Variants in PARD3B observed in about 807,000 individuals in gnomAD.
PARD3B encodes partitioning defective 3 homolog B.
In PARD3B, 103 loss-of-function variants were observed where a neutral mutation model predicts 130.2. The observed-to-expected ratio is 0.79, with a 90% CI of 0.67 to 0.93. PARD3B has a LOEUF of 0.93. PARD3B is among the 40% of genes least tolerant of loss of function. The pLI is 0.00. For missense variants in PARD3B, 1,609 were observed against 1,499.2 expected, an observed-to-expected ratio of 1.07 and a Z score of -1.21; for synonymous variants, 583 against 553.2, an observed-to-expected ratio of 1.05 and a Z score of -0.76.
chr2:204,564,474 A>G lies in PARD3B; in HGVS notation c.120+18355A>G, dbSNP rs1317864858. ...CACCCCTTTGCCCTCATATTTTCTT[A>G]GAAGACCTGAGGGAACGTTTCATGT... is the stretch of plus-strand genomic sequence containing the variant. On this transcript the variant is annotated intron_variant, in intron 1 of 22. Transcript: ENST00000406610. Among the ~76,000 whole-genome samples, 7 of 152,332 alleles carry G rather than the reference A, an allele frequency of 4.6e-5. 1 individual carries two copies. In the South Asian group the frequency reaches 1.0e-3, roughly 23 times the overall value.
Position 204,675,940 on chromosome 2 carries a change from C to G in PARD3B, c.121-10241C>G, listed in dbSNP as rs1352119521. Reference sequence around the variant, plus strand: ...ATCAGAAGAAAACAACTATTAATACCTTTTCTATGGCTTAACCTTTGTTAA... The same window carrying G: ...ATCAGAAGAAAACAACTATTAATACGTTTTCTATGGCTTAACCTTTGTTAA... On this transcript the variant is annotated intron_variant, in intron 1 of 22. Transcript: ENST00000406610. The surrounding 1 kb of genome is among the most constrained non-coding windows in gnomAD (Gnocchi z 4.4). 6.6e-6 allele frequency among the ~76,000 whole-genome samples: 1 copy of G among 151,352 alleles called. No homozygotes were observed. The highest frequency in any genetic ancestry group is 6.6e-5 in the Admixed American group (1 of 15,136).
At chr2:205,089,628 TTC>T (rs1474479718) in intron 4 of PARD3B, among the ~76,000 whole-genome samples, 1 of 152,158 alleles carries the variant, frequency 6.6e-6, no homozygotes, top group Non-Finnish European at 1.5e-5. Flanking sequence ...AACCAGTCAT[TTC>T]TCTGTTTTTC....
chr2:205,024,569 G>T (rs1425596957), intron 3 of PARD3B, among the ~76,000 whole-genome samples: 1 of 152,082 alleles, frequency 6.6e-6, no homozygotes, highest in Non-Finnish European at 1.5e-5. Context: ...GTGGTTATGT[G>T]GACATTTGTC....
chr2:205,479,240 G>A (rs966796570), intron 20 of PARD3B, among the ~76,000 whole-genome samples: 2 of 152,110 alleles, frequency 1.3e-5, no homozygotes, highest in South Asian at 2.1e-4. Context: ...TCCTTAAATG[G>A]CACCATCATT....
intron 13 of PARD3B, among the ~76,000 whole-genome samples, chr2:205,182,145 A>G (rs1576101130): frequency 6.6e-6 from 1 of 152,150 alleles, no homozygotes; most frequent in Non-Finnish European, 1.5e-5. Context: ...ACAAAAAATT[A>G]GCTGGGCTTG....
intron 2 of PARD3B, among the ~76,000 whole-genome samples, chr2:204,942,899 G>C (rs879674709): frequency 3.3e-5 from 5 of 152,102 alleles, no homozygotes; most frequent in African/African-American, 1.2e-4. Flanking sequence ...CTTGAGGAGG[G>C]AGAGGAACAG....
At chr2:205,455,148 G>A (rs1471834879) in intron 20 of PARD3B, among the ~76,000 whole-genome samples, 1 of 152,106 alleles carries the variant, frequency 6.6e-6, no homozygotes, top group African/African-American at 2.4e-5. Flanking sequence ...CTGCCACTCA[G>A]TATAGTTGTG....
chr2:204,825,460 A>G (rs1369882130), intron 2 of PARD3B, among the ~76,000 whole-genome samples: 3 of 152,176 alleles, frequency 2.0e-5, no homozygotes, highest in Non-Finnish European at 2.9e-5. Context: ...GGTCATTCAT[A>G]TGTATTTGTG....
chr2:204,570,275 G>A (rs1399226229), intron 1 of PARD3B, among the ~76,000 whole-genome samples: 1 of 152,154 alleles, frequency 6.6e-6, no homozygotes, highest in African/African-American at 2.4e-5. Context: ...AGGCAGCATA[G>A]GTGGGAAGTA....
At chr2:204,766,991 A>ATTTTTTTTTTTTTTTTTTTTATTT (rs141505640) in intron 2 of PARD3B, among the ~76,000 whole-genome samples, 1 of 98,676 alleles carries the variant, frequency 1.0e-5, no homozygotes, top group Non-Finnish European at 2.1e-5. Context: ...CACATTTTTT[A>ATTTTTTTTTTTTTTTTTTTTATTT]TTTTATTTTT....
intron 15 of PARD3B, among the ~76,000 whole-genome samples, chr2:205,234,233 T>A (rs533237014): frequency 6.6e-6 from 1 of 152,302 alleles, no homozygotes; most frequent in African/African-American, 2.4e-5. Context: ...GGCAGGAGGA[T>A]CACTTGAGCC....
chr2:205,286,462 C>T (rs1434688040), intron 16 of PARD3B, among the ~76,000 whole-genome samples: 1 of 152,082 alleles, frequency 6.6e-6, no homozygotes, highest in Non-Finnish European at 1.5e-5. Context: ...GATTCTAAAC[C>T]TTTCAATTCC....
At chr2:205,505,833 T>G (rs997440693) in intron 21 of PARD3B, among the ~76,000 whole-genome samples, 2 of 152,192 alleles carry the variant, frequency 1.3e-5, no homozygotes, top group Non-Finnish European at 2.9e-5. Flanking sequence ...ATTATTGTCT[T>G]TTTCAAGAGC....
intron 20 of PARD3B, among the ~76,000 whole-genome samples, chr2:205,486,500 A>G (rs916664989): frequency 6.6e-6 from 1 of 152,176 alleles, no homozygotes; most frequent in Admixed American, 6.5e-5. Flanking sequence ...TATAAACAGA[A>G]GAGGTCGAGT....
In PARD3B at chr2:205,440,552, C is replaced by T. The variant is rs377577034; in HGVS notation, c.2924C>T (p.Pro975Leu). ...AATGTCTTTAGATCTCCATCTCCCC[C>T]TCGAGCTGGACCATTTGGTTACCCT... is the stretch of plus-strand genomic sequence containing the variant. ...SANVFRSPSP[P>L]RAGPFGYPRD... Residue 975 changes from proline (P) to leucine (L), a missense_variant, in exon 20 of 23, where the codon CCT (proline) becomes CTT (leucine). By Grantham distance (98) the Pro-to-Leu change is moderately conservative. Transcript: ENST00000406610. The surrounding 1 kb of genome is among the most constrained non-coding windows in gnomAD (Gnocchi z 4.2). 4 of 1,614,006 alleles carry T rather than the reference C, an allele frequency of 2.5e-6. No homozygotes were observed. In the African/African-American group the frequency reaches 5.3e-5, roughly 22 times the overall value.
At chr2:205,270,057 A>G (rs1457306391) in intron 16 of PARD3B, among the ~76,000 whole-genome samples, 1 of 152,222 alleles carries the variant, frequency 6.6e-6, no homozygotes, top group Non-Finnish European at 1.5e-5. Context: ...CCCATTCGCC[A>G]TCATGTGATT....
rs1414591806 is a variant in PARD3B, at chr2:204,799,355, A to T, written c.222+113073A>T. On this transcript the variant is annotated intron_variant, in intron 2 of 22. Transcript: ENST00000406610. This position sits in a 1 kb window ranked among gnomAD's most constrained non-coding sequence, Gnocchi z 4.1. ...TTGAATGCCAGCACAGCTGCAGTAGAATAGAGCACCAGGTAGATTCCTAAG... is the reference window on the plus strand; with the variant it reads ...TTGAATGCCAGCACAGCTGCAGTAGTATAGAGCACCAGGTAGATTCCTAAG... Among the ~76,000 whole-genome samples, 1 of 152,168 alleles carries T rather than the reference A, an allele frequency of 6.6e-6. No homozygotes were observed. Among genetic ancestry groups the T allele is most frequent in the Non-Finnish European group, 1.5e-5 (1 of 68,032 alleles).
At chr2:205,355,470 C>G (rs1024798449) in intron 18 of PARD3B, among the ~76,000 whole-genome samples, 10 of 152,072 alleles carry the variant, frequency 6.6e-5, no homozygotes, top group Non-Finnish European at 1.0e-4. Context: ...AATATCTTTT[C>G]TTTATGATAA....
chr2:205,604,795 G>A (rs1022750594), intron 22 of PARD3B, among the ~76,000 whole-genome samples: 22 of 152,166 alleles, frequency 1.4e-4, no homozygotes, highest in African/African-American at 5.1e-4. Context: ...ATGTCCTGAA[G>A]TATGTTTTCC....
Sources: gnomAD v4.1 joint callset for allele counts (sites outside exome capture counted in the v4.1 genomes callset) on GRCh38, gnomAD v4.1.1 for gene constraint, Gnocchi (gnomAD v3.1) non-coding constraint, MANE v1.5 for transcripts, NCBI Gene and HGNC (gene_info 2026-07-23, HGNC 2026-07-21) for gene names.